ECE1: variants seen among roughly 807,000 people sequenced by gnomAD.
The protein encoded by ECE1 is endothelin converting enzyme 1.
In ECE1, 35 loss-of-function variants were observed where a neutral mutation model predicts 98.6. That is an observed-to-expected ratio of 0.35 (90% CI 0.27 to 0.47). ECE1 has a LOEUF of 0.47. ECE1 is among the 20% of genes least tolerant of loss of function. The pLI is 1.00. For missense variants in ECE1, 814 were observed against 1,025.3 expected, an observed-to-expected ratio of 0.79 and a Z score of 2.81; for synonymous variants, 394 against 407.1, an observed-to-expected ratio of 0.97 and a Z score of 0.39.
intron 11 of ECE1, among the ~76,000 whole-genome samples, chr1:21,237,470 T>C (rs1435087719): frequency 2.6e-5 from 4 of 152,170 alleles, no homozygotes; most frequent in South Asian, 2.1e-4. Context: ...GTCACTGTAA[T>C]GGATTTGAAT....
intron 1 of ECE1, among the ~76,000 whole-genome samples, chr1:21,333,599 G>A (rs757501608): frequency 2.6e-5 from 4 of 152,154 alleles, no homozygotes; most frequent in Non-Finnish European, 4.4e-5. Flanking sequence ...TTGGGAGGCC[G>A]AGGCAGGCAA....
intron 8 of ECE1, among the ~76,000 whole-genome samples, chr1:21,247,957 C>T (rs991114656): frequency 6.6e-6 from 1 of 152,160 alleles, no homozygotes; most frequent in Admixed American, 6.5e-5. Flanking sequence ...CAAGCTTATG[C>T]TGTTTGTTCT....
At position 21,272,881 on chromosome 1, in the gene ECE1, C is replaced by T; in HGVS notation, c.311G>A (p.Cys104Tyr). The T allele has an allele frequency of 6.2e-7, 1 of 1,614,182 alleles. No individual in the cohort carries two copies. Among genetic ancestry groups the T allele is most frequent in the Non-Finnish European group, 8.5e-7 (1 of 1,180,022 alleles). Residue 104 changes from cysteine (C) to tyrosine (Y), a missense_variant, in exon 4 of 19, where the codon TGT becomes TAT. Coordinates refer to ENST00000374893, the MANE Select transcript of ECE1 (RefSeq NM_001397.3). ...RSPSVCLSEACVSVTSSILSS... is the reference protein window; with the variant it reads ...RSPSVCLSEAYVSVTSSILSS... ...CAAGATGGAGCTGGTCACTGAGACA[C>T]AAGCTTCGCTCAGGCACACAGAGGG...
chr1:21,334,224 C>T (rs1402955760), intron 1 of ECE1, among the ~76,000 whole-genome samples: 1 of 152,194 alleles, frequency 6.6e-6, no homozygotes, highest in Non-Finnish European at 1.5e-5. Flanking sequence ...CTTGGTCTGC[C>T]CTATGAGGAA....
At chr1:21,290,621 C>A, upstream of ECE1, 2 of 1,120,990 alleles carry the variant, frequency 1.8e-6, no homozygotes, top group Non-Finnish European at 2.2e-6. The surrounding 1 kb of genome is among the most constrained non-coding windows in gnomAD (Gnocchi z 7.3). Context: ...AGTGGGGGCC[C>A]CCAAACTGAA....
chr1:21,320,431 T>G (rs538056156), intron 1 of ECE1, among the ~76,000 whole-genome samples: 21 of 150,918 alleles, frequency 1.4e-4, no homozygotes, highest in Middle Eastern at 3.4e-3. Context: ...AAAAAAAATT[T>G]AATACTGTTT....
intron 1 of ECE1, among the ~76,000 whole-genome samples, chr1:21,344,584 G>C (rs1639461637): frequency 6.6e-6 from 1 of 152,094 alleles, no homozygotes; most frequent in South Asian, 2.1e-4. Context: ...CCCCCCCCAG[G>C]AAGCCCAGCC....
intron 18 of ECE1, 36 bp downstream of exon 18, chr1:21,221,711 T>A (rs183564672): frequency 6.2e-7 from 1 of 1,600,424 alleles, no homozygotes. Context: ...GATGGCAGAA[T>A]GTACCATGTG....
At chr1:21,230,163 C>T (rs2098179921) in intron 14 of ECE1, among the ~76,000 whole-genome samples, 1 of 151,936 alleles carries the variant, frequency 6.6e-6, no homozygotes, top group Non-Finnish European at 1.5e-5. Context: ...GATTATGCCA[C>T]TGCACTCTGG....
rs935822488 is a variant in ECE1 at position 21,327,516 on chromosome 1, T to G, written c.3+17860A>C. The stretch of plus-strand genomic sequence containing the variant: ...CCCACTCAAGTCAAGTTGGATCATC[T>G]TAGCTCCCTGCTGACACCCCTTCGA... On this transcript the variant is annotated intron_variant, in intron 1 of 18. Transcript: ENST00000415912. This position sits in a 1 kb window ranked among gnomAD's most constrained non-coding sequence, Gnocchi z 4.6. Among the ~76,000 whole-genome samples the G allele has an allele frequency of 3.3e-5, 5 of 152,228 alleles. No homozygotes were observed. Among genetic ancestry groups the G allele is most frequent in the Non-Finnish European group, 7.3e-5 (5 of 68,034 alleles).
intron 7 of ECE1, among the ~76,000 whole-genome samples, chr1:21,256,893 C>T (rs1030683582): frequency 6.6e-6 from 1 of 152,154 alleles, no homozygotes; most frequent in East Asian, 1.9e-4. Flanking sequence ...CTATGGTGGT[C>T]TTGTCTGCTA....
intron 10 of ECE1, among the ~76,000 whole-genome samples, chr1:21,241,940 G>GCCTCCTCCAC (rs2098196963): frequency 1.3e-5 from 2 of 152,180 alleles, no homozygotes; most frequent in Non-Finnish European, 2.9e-5. Context: ...CAGCCAGGCA[G>GCCTCCTCCAC]CCTCCTCCAC....
At chr1:21,277,722 C>T (rs1210604844) in intron 3 of ECE1, among the ~76,000 whole-genome samples, 2 of 152,222 alleles carry the variant, frequency 1.3e-5, no homozygotes, top group African/African-American at 2.4e-5. Context: ...GGCACAGGCA[C>T]TATGCTAAGC....
At chr1:21,243,357 G>A (rs148085256) in intron 10 of ECE1, among the ~76,000 whole-genome samples, 1 of 151,396 alleles carries the variant, frequency 6.6e-6, no homozygotes, top group East Asian at 1.9e-4. Context: ...TTTCATTCAA[G>A]CTTGCTGCTT....
chr1:21,256,093 G>A lies in ECE1; in HGVS notation c.874C>T (p.Leu292=), dbSNP rs757995317. 1 of 1,609,382 alleles carries A rather than the reference G, an allele frequency of 6.2e-7. No individual in the cohort carries two copies. The highest frequency in any genetic ancestry group is 1.1e-5 in the South Asian group (1 of 91,012). Residue 292 remains leucine (L), a synonymous_variant, in exon 8 of 19, where the codon CTG becomes TTG. Transcript: ENST00000374893. The part of the protein sequence containing the change: ...LNYMVQLGKL[L]GGGDEEAIRP... Reference sequence around the variant, plus strand: ...ATGGCCTCCTCGTCCCCGCCGCCCAGCAGCTTCCCCAGCTGGACCATGTAG... The same window carrying A: ...ATGGCCTCCTCGTCCCCGCCGCCCAACAGCTTCCCCAGCTGGACCATGTAG...
intron 1 of ECE1, among the ~76,000 whole-genome samples, chr1:21,341,275 C>T (rs1558440714): frequency 6.6e-6 from 1 of 152,252 alleles, no homozygotes; most frequent in South Asian, 2.1e-4. Flanking sequence ...ACACTGACCA[C>T]GGCCCCCATG....
intron 14 of ECE1, among the ~76,000 whole-genome samples, chr1:21,231,496 C>A (rs995077444): frequency 6.6e-6 from 1 of 152,088 alleles, no homozygotes; most frequent in Non-Finnish European, 1.5e-5. Context: ...TGTCTACCAC[C>A]ATGCGTGGCT....
rs1412635090 is a variant in ECE1 at position 21,228,053 on chromosome 1, A to G, written c.1671-12T>C. 1 of 1,550,792 alleles carries G rather than the reference A, an allele frequency of 6.4e-7. No individual in the cohort carries two copies. Among genetic ancestry groups the G allele is most frequent in the Non-Finnish European group, 8.7e-7 (1 of 1,145,590 alleles). ...GGGTCATGCTCCACCTGCAAGCAAC[A>G]CACATGCAGGAGGTCTCAGCACAGG... On this transcript the variant is annotated splice_polypyrimidine_tract_variant and intron_variant, in intron 14 of 18. Coordinates refer to ENST00000374893, the MANE Select transcript of ECE1 (RefSeq NM_001397.3).
chr1:21,291,488 C>G (rs2098266553), upstream of ECE1, among the ~76,000 whole-genome samples: 1 of 152,218 alleles, frequency 6.6e-6, no homozygotes, highest in Non-Finnish European at 1.5e-5. Flanking sequence ...CTCCTGCCCT[C>G]TGACAGCCCC....
Sources: allele counts gnomAD v4.1 joint callset (sites outside exome capture counted in the v4.1 genomes callset), GRCh38; gene constraint gnomAD v4.1.1; non-coding constraint Gnocchi (gnomAD v3.1); transcripts MANE v1.5; gene names NCBI Gene and HGNC (gene_info 2026-07-23, HGNC 2026-07-21).